Variants in TENM3 observed in about 807,000 individuals in gnomAD.
TENM3 encodes teneurin-3.
A neutral mutation model predicts 255.1 loss-of-function variants in TENM3; 63 were observed. That is an observed-to-expected ratio of 0.25 (90% CI 0.20 to 0.30). TENM3 has a LOEUF of 0.30. Among genes scored for constraint, TENM3 ranks in the 10% least tolerant of loss-of-function variants. The pLI is 1.00. For missense variants in TENM3, 2,929 were observed against 3,461.1 expected (o/e 0.85, Z 3.86); for synonymous variants, 1,306 against 1,322.3 (o/e 0.99, Z 0.27).
At chr4:181,717,184 T>G in the TENM3 span, among the ~76,000 whole-genome samples, 1 of 152,186 alleles carries the variant, frequency 6.6e-6, no homozygotes, top group Non-Finnish European at 1.5e-5. Flanking sequence ...TCGAGCCCCT[T>G]GCTGAATGGC....
the TENM3 span, among the ~76,000 whole-genome samples, chr4:181,659,359 A>G: frequency 6.6e-6 from 1 of 152,130 alleles, no homozygotes; most frequent in African/African-American, 2.4e-5. Flanking sequence ...ACTTGCTTTC[A>G]CTTTGCCCTG....
chr4:182,061,463 T>A, the TENM3 span, among the ~76,000 whole-genome samples: 1 of 152,150 alleles, frequency 6.6e-6, no homozygotes, highest in Non-Finnish European at 1.5e-5. Context: ...ATTTCATACA[T>A]CAGTTTTGAT....
chr4:182,488,244 T>C (rs1237293558), intron 3 of TENM3, among the ~76,000 whole-genome samples: 1 of 152,098 alleles, frequency 6.6e-6, no homozygotes, highest in Non-Finnish European at 1.5e-5. Flanking sequence ...GAAAGGAGTC[T>C]AGGCTTGAAG....
At chr4:182,566,362 T>A (rs967022350) in intron 3 of TENM3, among the ~76,000 whole-genome samples, 1 of 152,154 alleles carries the variant, frequency 6.6e-6, no homozygotes, top group Non-Finnish European at 1.5e-5. Context: ...ATTTTAAGGG[T>A]CTCCTTATTA....
rs946100935 is a variant in TENM3 at position 182,465,716 on chromosome 4, C to T, written c.511+118787C>T. Among the ~76,000 whole-genome samples the T allele has an allele frequency of 1.5e-4, 23 of 152,122 alleles. No homozygotes were observed. In the East Asian group the frequency reaches 2.5e-3, roughly 17 times the overall value. On this transcript the variant is annotated intron_variant, in intron 3 of 27. Coordinates refer to ENST00000511685, the MANE Select transcript of TENM3 (RefSeq NM_001080477.4). Reference sequence around the variant, plus strand: ...TGAGTACCTACTATGTTTCTGACATCGGTGCTTTATTATTAATAATATAAG... The same window carrying T: ...TGAGTACCTACTATGTTTCTGACATTGGTGCTTTATTATTAATAATATAAG...
At chr4:182,629,258 G>A (rs1369203493) in intron 5 of TENM3, among the ~76,000 whole-genome samples, 1 of 152,076 alleles carries the variant, frequency 6.6e-6, no homozygotes, top group African/African-American at 2.4e-5. Flanking sequence ...TCAATAGGGA[G>A]CTCTCCACTG....
the TENM3 span, among the ~76,000 whole-genome samples, chr4:181,994,564 T>TG: frequency 6.1e-3 from 921 of 149,944 alleles, 13 homozygotes; most frequent in African/African-American, 0.021. Context: ...GTTTTTTTTT[T>TG]TTTTTGTGAA....
intron 1 of TENM3, among the ~76,000 whole-genome samples, chr4:182,153,911 A>G (rs1750515637): frequency 6.6e-6 from 1 of 152,146 alleles, no homozygotes; most frequent in Non-Finnish European, 1.5e-5. Flanking sequence ...AGCCTCTATA[A>G]TTCACTTTTA....
the TENM3 span, among the ~76,000 whole-genome samples, chr4:182,079,237 C>G: frequency 6.6e-6 from 1 of 152,126 alleles, no homozygotes; most frequent in Non-Finnish European, 1.5e-5. Context: ...AAAGAGTTGG[C>G]TGGGTGTGGT....
the TENM3 span, among the ~76,000 whole-genome samples, chr4:182,098,515 A>G: frequency 2.6e-5 from 4 of 152,230 alleles, no homozygotes; most frequent in Non-Finnish European, 5.9e-5. Flanking sequence ...AAAAAGAATG[A>G]AATCCGGTCA....
chr4:182,596,690 T>C (rs936802557), intron 3 of TENM3, among the ~76,000 whole-genome samples: 3 of 152,108 alleles, frequency 2.0e-5, no homozygotes, highest in Non-Finnish European at 4.4e-5. Context: ...GAGGGAGAGC[T>C]TGCAAAAATA....
At chr4:182,366,962 C>T (rs957466333) in intron 3 of TENM3, among the ~76,000 whole-genome samples, 2 of 151,912 alleles carry the variant, frequency 1.3e-5, no homozygotes, top group African/African-American at 4.8e-5. Context: ...TTTGAGAGTT[C>T]GTTTTAAGGA....
the TENM3 span, among the ~76,000 whole-genome samples, chr4:181,721,834 T>C: frequency 2.6e-5 from 4 of 151,550 alleles, no homozygotes; most frequent in East Asian, 2.0e-4. Flanking sequence ...GCTTAGACTA[T>C]GGGGTAGATG....
intron 1 of TENM3, among the ~76,000 whole-genome samples, chr4:182,312,582 C>T (rs1762520096): frequency 6.6e-6 from 1 of 152,156 alleles, no homozygotes; most frequent in African/African-American, 2.4e-5. Flanking sequence ...ATCTGAATGA[C>T]ATATAATTGT....
chr4:181,866,340 T>G, the TENM3 span, among the ~76,000 whole-genome samples: 1 of 152,190 alleles, frequency 6.6e-6, no homozygotes, highest in Non-Finnish European at 1.5e-5. Context: ...CTCATGAGGA[T>G]GGACTAAACA....
intron 3 of TENM3, among the ~76,000 whole-genome samples, chr4:182,475,516 A>G (rs1265059423): frequency 6.6e-6 from 1 of 152,082 alleles, no homozygotes; most frequent in Admixed American, 6.5e-5. Flanking sequence ...GTGTGTTTTT[A>G]TATGCCTAAT....
chr4:181,811,202 G>A, the TENM3 span, among the ~76,000 whole-genome samples: 5 of 152,188 alleles, frequency 3.3e-5, no homozygotes, highest in Non-Finnish European at 7.4e-5. Flanking sequence ...AGGATCACTT[G>A]ACAGGCTATT....
the TENM3 span, among the ~76,000 whole-genome samples, chr4:182,120,448 T>C: frequency 6.6e-6 from 1 of 152,022 alleles, no homozygotes; most frequent in South Asian, 2.1e-4. Context: ...TACCTACATA[T>C]ATATGTGTGT....
intron 3 of TENM3, among the ~76,000 whole-genome samples, chr4:182,364,954 A>AG (rs965748240): frequency 6.6e-6 from 1 of 152,178 alleles, no homozygotes; most frequent in Non-Finnish European, 1.5e-5. Flanking sequence ...TCAGAGCCAA[A>AG]GGGCTATACA....
Sources: gnomAD v4.1 joint callset for allele counts (sites outside exome capture counted in the v4.1 genomes callset) on GRCh38, gnomAD v4.1.1 for gene constraint, MANE v1.5 for transcripts, NCBI Gene and HGNC (gene_info 2026-07-23, HGNC 2026-07-21) for gene names.